Variants in NCOA2 observed in about 807,000 individuals in gnomAD.
NCOA2 encodes nuclear receptor coactivator 2, also known as class E basic helix-loop-helix protein 75.
A neutral mutation model predicts 145.1 loss-of-function variants in NCOA2; 21 were observed. The ratio of observed to expected loss-of-function variants is 0.14; its 90% CI spans 0.10 to 0.21. The LOEUF is 0.21. Ranked by LOEUF, NCOA2 falls within the 10% of genes least tolerant of loss-of-function variation. The pLI, the probability that NCOA2 is intolerant of heterozygous loss-of-function variation, is 1.00. For missense variants in NCOA2, 1,472 were observed against 1,837.6 expected (o/e 0.80, Z 3.64); for synonymous variants, 619 against 637.5 (o/e 0.97, Z 0.44).
chr8:70,384,520 G>T (rs897504454), intron 1 of NCOA2, among the ~76,000 whole-genome samples: 1 of 151,998 alleles, frequency 6.6e-6, no homozygotes, highest in African/African-American at 2.4e-5. Context: ...TCTCTTTGTC[G>T]AGAATATAAT....
At chr8:70,183,330 T>TTC (rs1238653126) in intron 4 of NCOA2, among the ~76,000 whole-genome samples, 1 of 152,188 alleles carries the variant, frequency 6.6e-6, no homozygotes, top group African/African-American at 2.4e-5. Flanking sequence ...AAAGTTCTAT[T>TTC]TCTTCCAAAT....
Position 70,363,729 on chromosome 8 carries a change from G to C in NCOA2, c.-77+39971C>G, listed in dbSNP as rs117353244. On this transcript the variant is annotated intron_variant, in intron 1 of 22. Transcript: ENST00000452400. Reference sequence around the variant, plus strand: ...AGAAAAACAGATCAGTGGTTGCCAGGAACTGAGGGTAGGGTTGGCACTGAC... The same window carrying C: ...AGAAAAACAGATCAGTGGTTGCCAGCAACTGAGGGTAGGGTTGGCACTGAC... 3.8e-3 allele frequency among the ~76,000 whole-genome samples: 584 copies of C among 152,288 alleles called. 2 individuals are homozygous for C. The highest frequency in any genetic ancestry group is 6.2e-3 in the Non-Finnish European group (421 of 68,018).
At chr8:70,441,581 AAAAG>A in the NCOA2 span, among the ~76,000 whole-genome samples, 8 of 151,086 alleles carry the variant, frequency 5.3e-5, no homozygotes, top group East Asian at 2.0e-4. Context: ...AAAGAGAAAG[AAAAG>A]AAAGAAAGAA....
intron 2 of NCOA2, among the ~76,000 whole-genome samples, chr8:70,285,255 G>A (rs1315513916): frequency 6.6e-6 from 1 of 152,164 alleles, no homozygotes; most frequent in African/African-American, 2.4e-5. Context: ...TTTACTTAGA[G>A]TCCTGTAGAT....
At chr8:70,430,394 T>C in the NCOA2 span, among the ~76,000 whole-genome samples, 1 of 152,200 alleles carries the variant, frequency 6.6e-6, no homozygotes, top group Non-Finnish European at 1.5e-5. Context: ...AGCACTACAT[T>C]TTTTACAGCT....
At chr8:70,239,127 C>T (rs1289884471) in intron 2 of NCOA2, among the ~76,000 whole-genome samples, 2 of 152,152 alleles carry the variant, frequency 1.3e-5, no homozygotes, top group African/African-American at 2.4e-5. Context: ...CTTTAGAAGA[C>T]TGTGTTCCAG....
chr8:70,439,783 G>T, the NCOA2 span, among the ~76,000 whole-genome samples: 2 of 152,156 alleles, frequency 1.3e-5, no homozygotes, highest in African/African-American at 4.8e-5. Flanking sequence ...GAGCCTTCTG[G>T]ATCAAGCCTG....
At chr8:70,208,674 A>G (rs1774157174) in intron 4 of NCOA2, among the ~76,000 whole-genome samples, 1 of 152,248 alleles carries the variant, frequency 6.6e-6, no homozygotes, top group South Asian at 2.1e-4. Flanking sequence ...CTTCATAAGA[A>G]TAATGCTAAA....
chr8:70,231,062 C>A (rs546828335), intron 2 of NCOA2, among the ~76,000 whole-genome samples: 1 of 152,204 alleles, frequency 6.6e-6, no homozygotes, highest in Non-Finnish European at 1.5e-5. Context: ...TGATTATATA[C>A]CTACAATAGT....
At chr8:70,124,931 G>A in intron 19 of NCOA2, 66 bp from the exon 20 acceptor site, 1 of 1,410,176 alleles carries the variant, frequency 7.1e-7, no homozygotes, top group Middle Eastern at 1.9e-4. Context: ...AGACTGGTGG[G>A]GGGGAAAGAA....
chr8:70,120,403 T>C (rs963095378), intron 22 of NCOA2, among the ~76,000 whole-genome samples: 4 of 151,984 alleles, frequency 2.6e-5, no homozygotes, highest in East Asian at 1.9e-4. Context: ...TGGCTGAACA[T>C]GGTAATATCA....
intron 1 of NCOA2, among the ~76,000 whole-genome samples, chr8:70,345,910 C>T (rs902275433): frequency 1.3e-5 from 2 of 152,208 alleles, no homozygotes; most frequent in African/African-American, 2.4e-5. Flanking sequence ...CAAACAGGAA[C>T]TCCCACTCCA....
At chr8:70,240,424 C>T (rs118146816) in intron 2 of NCOA2, among the ~76,000 whole-genome samples, 1,911 of 152,250 alleles carry the variant, frequency 0.013, 25 homozygotes, top group Non-Finnish European at 0.02. Flanking sequence ...ACAAATAACA[C>T]TCCCTATTCA....
At chr8:70,289,428 A>C (rs1469680898) in intron 2 of NCOA2, among the ~76,000 whole-genome samples, 14 of 152,156 alleles carry the variant, frequency 9.2e-5, no homozygotes, top group Admixed American at 9.2e-4. Flanking sequence ...GTATCTTAAA[A>C]ATTTCCCCAT....
intron 4 of NCOA2, among the ~76,000 whole-genome samples, chr8:70,203,561 AT>A (rs914410867): frequency 2.4e-4 from 37 of 152,194 alleles, no homozygotes; most frequent in African/African-American, 7.5e-4. Flanking sequence ...CCTGGGCAAC[AT>A]TGCAAGACCT....
intron 2 of NCOA2, among the ~76,000 whole-genome samples, chr8:70,280,004 T>C (rs1004511369): frequency 2.6e-5 from 4 of 152,238 alleles, no homozygotes; most frequent in Admixed American, 6.5e-5. Flanking sequence ...GTTGCATTTC[T>C]ACACTTGCAG....
chr8:70,304,667 T>G (rs1235229596), intron 1 of NCOA2, among the ~76,000 whole-genome samples: 2 of 146,430 alleles, frequency 1.4e-5, no homozygotes, highest in African/African-American at 2.5e-5. Context: ...TGTTTTTTTG[T>G]TTTTTTTTTA....
intron 11 of NCOA2, among the ~76,000 whole-genome samples, chr8:70,150,819 A>AG (rs1811659874): frequency 1.3e-5 from 2 of 152,230 alleles, no homozygotes; most frequent in Non-Finnish European, 2.9e-5. Flanking sequence ...TTTTAATCAT[A>AG]TTAACACAAA....
At chr8:70,413,922 C>A in the NCOA2 span, among the ~76,000 whole-genome samples, 3 of 152,206 alleles carry the variant, frequency 2.0e-5, no homozygotes, top group East Asian at 5.8e-4. Flanking sequence ...TCGTGCCCCA[C>A]CCCCATGCCC....
Sources: allele counts gnomAD v4.1 joint callset (sites outside exome capture counted in the v4.1 genomes callset), GRCh38; gene constraint gnomAD v4.1.1; transcripts MANE v1.5; gene names NCBI Gene and HGNC (gene_info 2026-07-23, HGNC 2026-07-21).